GNL3L: variants seen among roughly 807,000 people sequenced by gnomAD.
The protein encoded by GNL3L is guanine nucleotide-binding protein-like 3-like protein.
A neutral mutation model predicts 42.9 loss-of-function variants in GNL3L; 4 were observed. The ratio of observed to expected loss-of-function variants is 0.09; its 90% CI spans 0.05 to 0.21. GNL3L has a LOEUF of 0.21. GNL3L is among the 10% of genes least tolerant of loss of function. GNL3L has a pLI of 1.00. For missense variants in GNL3L, 412 were observed against 481.7 expected, an observed-to-expected ratio of 0.86 and a Z score of 1.36; for synonymous variants, 159 against 176.3, an observed-to-expected ratio of 0.90 and a Z score of 0.78.
intron 16 of GNL3L, among the ~76,000 whole-genome samples, chrX:54,619,520 AT>A (rs58464935): frequency 0.37 from 39,073 of 104,874 alleles, 8,465 homozygotes; most frequent in African/African-American, 0.79. Flanking sequence ...GTTTTGCGCA[AT>A]TTTTTTTTTT....
chrX:54,530,679 C>CCCACCAAAGGCATGGGGGACAT (rs1317248529), intron 1 of GNL3L, among the ~76,000 whole-genome samples: 2 of 111,874 alleles, frequency 1.8e-5, no homozygotes, highest in Non-Finnish European at 3.8e-5. Context: ...CAGGAGTCGA[C>CCCACCAAAGGCATGGGGGACAT]CCACCAAAGG....
At chrX:54,536,506 C>G (rs1224929535) in intron 2 of GNL3L, among the ~76,000 whole-genome samples, 2 of 109,945 alleles carry the variant, frequency 1.8e-5, no homozygotes, top group African/African-American at 6.6e-5. Context: ...AACACAGGGC[C>G]AGGCGTGGTG....
chrX:54,544,464 G>T, intron 8 of GNL3L, 138 bp downstream of exon 8: 1 of 399,411 alleles, frequency 2.5e-6, no homozygotes, highest in South Asian at 4.3e-5. Context: ...TTGCTCCACC[G>T]AGTGACTTTT....
the GNL3L span, among the ~76,000 whole-genome samples, chrX:54,640,598 T>C: frequency 3.0e-4 from 34 of 112,637 alleles, no homozygotes; most frequent in Non-Finnish European, 5.4e-4. Flanking sequence ...CACCAAAATA[T>C]ATCTCTGCAA....
At chrX:54,635,089 GC>G in the GNL3L span, among the ~76,000 whole-genome samples, 1 of 110,817 alleles carries the variant, frequency 9.0e-6, no homozygotes, top group Admixed American at 9.6e-5. Context: ...ACTGTGCCTG[GC>G]CAATTCTTTC....
downstream of GNL3L, among the ~76,000 whole-genome samples, chrX:54,568,670 C>A (rs1345475939): frequency 9.0e-6 from 1 of 110,730 alleles, no homozygotes; most frequent in African/African-American, 3.3e-5. Flanking sequence ...TCTCCTGCCT[C>A]AGCCTCCCAA....
intron 2 of GNL3L, among the ~76,000 whole-genome samples, chrX:54,534,221 A>G (rs1924354938): frequency 9.5e-6 from 1 of 105,738 alleles, no homozygotes; most frequent in Non-Finnish European, 1.9e-5. Flanking sequence ...AAATAGTCTC[A>G]GCTTGGCACT....
chrX:54,599,288 T>C (rs141492561), intron 16 of GNL3L, among the ~76,000 whole-genome samples: 35 of 112,017 alleles, frequency 3.1e-4, no homozygotes, highest in African/African-American at 1.1e-3. Context: ...GAAGAAGATA[T>C]AGTTTCTCAG....
intron 14 of GNL3L, among the ~76,000 whole-genome samples, chrX:54,557,268 A>T (rs1178511773): frequency 9.1e-6 from 1 of 109,380 alleles, no homozygotes; most frequent in Non-Finnish European, 1.9e-5. Context: ...ATGTCAAAAA[A>T]AAAATTTTTT....
At chrX:54,556,000 G>T (rs1925084592) in intron 14 of GNL3L, among the ~76,000 whole-genome samples, 1 of 110,468 alleles carries the variant, frequency 9.1e-6, no homozygotes, top group African/African-American at 3.3e-5. Flanking sequence ...ATTTTAGTGG[G>T]TTTCAGACAC....
At chrX:54,567,710 G>A (rs995113041), downstream of GNL3L, among the ~76,000 whole-genome samples, 12 of 109,989 alleles carry the variant, frequency 1.1e-4, no homozygotes, top group African/African-American at 4.0e-4. Context: ...TTGGGGGAGA[G>A]TATTCTTTCT....
chrX:54,569,389 A>G (rs1239228407), downstream of GNL3L, among the ~76,000 whole-genome samples: 1 of 111,905 alleles, frequency 8.9e-6, no homozygotes, highest in African/African-American at 3.2e-5. Context: ...TATTCAGGTT[A>G]TATTTCTTCT....
At chrX:54,606,565 C>T (rs774996110) in intron 16 of GNL3L, among the ~76,000 whole-genome samples, 2 of 110,374 alleles carry the variant, frequency 1.8e-5, no homozygotes, top group East Asian at 2.9e-4. Flanking sequence ...AACCTCAAAC[C>T]CCTGGGCTGT....
chrX:54,641,473 C>T, the GNL3L span, among the ~76,000 whole-genome samples: 1 of 111,774 alleles, frequency 8.9e-6, no homozygotes, highest in Non-Finnish European at 1.9e-5. Context: ...ATTTGTTGAA[C>T]ACCTGCCATG....
intron 16 of GNL3L, among the ~76,000 whole-genome samples, chrX:54,577,276 C>CA (rs1411700607): frequency 3.9e-4 from 44 of 112,104 alleles, no homozygotes; most frequent in African/African-American, 1.4e-3. Flanking sequence ...GTATATGTAT[C>CA]ACCGTTTTCT....
chrX:54,580,847 C>G (rs1925705018), intron 16 of GNL3L, among the ~76,000 whole-genome samples: 1 of 112,390 alleles, frequency 8.9e-6, no homozygotes, highest in African/African-American at 3.2e-5. Flanking sequence ...GTGGCACAAT[C>G]TCGGCTCACT....
chrX:54,544,768 A>C (rs1444015596), intron 8 of GNL3L, among the ~76,000 whole-genome samples: 1 of 111,120 alleles, frequency 9.0e-6, no homozygotes, highest in African/African-American at 3.3e-5. Context: ...ATAAGCCAAC[A>C]TGCCTGGCCA....
chrX:54,628,003 C>T, the GNL3L span, among the ~76,000 whole-genome samples: 3 of 110,307 alleles, frequency 2.7e-5, no homozygotes, highest in South Asian at 3.9e-4. Flanking sequence ...TCACACCCCT[C>T]CCTCCCTTCC....
intron 16 of GNL3L, among the ~76,000 whole-genome samples, chrX:54,607,061 T>TC: frequency 2.1e-5 from 1 of 48,427 alleles, no homozygotes; most frequent in Non-Finnish European, 3.7e-5. Flanking sequence ...TCTTTCTTTC[T>TC]TTCTTTCTTT....
Sources: allele counts gnomAD v4.1 joint callset (sites outside exome capture counted in the v4.1 genomes callset), GRCh38; gene constraint gnomAD v4.1.1; transcripts MANE v1.5; gene names NCBI Gene and HGNC (gene_info 2026-07-23, HGNC 2026-07-21).